ABCG2: variants seen among roughly 807,000 people sequenced by gnomAD.
The protein encoded by ABCG2 is broad substrate specificity ATP-binding cassette transporter ABCG2.
In ABCG2, 80 loss-of-function variants were observed where a neutral mutation model predicts 73.5. The ratio of observed to expected loss-of-function variants is 1.09; its 90% confidence interval spans 0.91 to 1.31. The LOEUF (loss-of-function observed/expected upper bound fraction) is 1.31. Among genes scored for constraint, ABCG2 ranks in the 50% most tolerant of loss-of-function variants. ABCG2 has a pLI of 0.00. For synonymous variants in ABCG2, 269 were observed against 282.4 expected (o/e 0.95, Z 0.48); for missense variants, 796 against 786.2 (o/e 1.01, Z -0.15).
chr4:88,192,600 A>G (rs1373359661), intron 1 of ABCG2, among the ~76,000 whole-genome samples: 1 of 150,966 alleles, frequency 6.6e-6, no homozygotes, highest in Non-Finnish European at 1.5e-5. Context: ...TTGTATTTTT[A>G]GAAGAGACGG....
chr4:88,195,957 T>G (rs191157291), intron 1 of ABCG2, among the ~76,000 whole-genome samples: 1 of 152,232 alleles, frequency 6.6e-6, no homozygotes, highest in Non-Finnish European at 1.5e-5. Context: ...ATTGAGCCCA[T>G]TCGCCCAGCT....
chr4:88,122,356 C>A (rs1020736091), intron 5 of ABCG2, among the ~76,000 whole-genome samples: 1 of 152,044 alleles, frequency 6.6e-6, no homozygotes, highest in African/African-American at 2.4e-5. Flanking sequence ...GCCAGGGAAC[C>A]AAGTGGTCTA....
At chr4:88,102,894 A>C (rs1392991378) in intron 10 of ABCG2, among the ~76,000 whole-genome samples, 1 of 152,190 alleles carries the variant, frequency 6.6e-6, no homozygotes, top group Non-Finnish European at 1.5e-5. Flanking sequence ...CTAAGGGAAC[A>C]GGCTAGGGTC....
chr4:88,207,096 C>T (rs1159753228), intron 1 of ABCG2, among the ~76,000 whole-genome samples: 8 of 152,144 alleles, frequency 5.3e-5, no homozygotes, highest in Non-Finnish European at 8.8e-5. Context: ...TGCCCAGTCT[C>T]AAAGCAGTGC....
intron 5 of ABCG2, among the ~76,000 whole-genome samples, chr4:88,126,408 T>C (rs1369451526): frequency 1.3e-5 from 2 of 152,218 alleles, no homozygotes; most frequent in Non-Finnish European, 2.9e-5. Flanking sequence ...AAAGAGGAAC[T>C]TCTCCCTAAC....
chr4:88,137,209 T>G (rs997261273), intron 2 of ABCG2, among the ~76,000 whole-genome samples: 5 of 152,110 alleles, frequency 3.3e-5, no homozygotes, highest in Admixed American at 3.3e-4. Flanking sequence ...CCTGACTCTA[T>G]ACTGGTGATA....
chr4:88,186,780 G>C (rs1399460847), intron 1 of ABCG2, among the ~76,000 whole-genome samples: 1 of 150,630 alleles, frequency 6.6e-6, no homozygotes, highest in African/African-American at 2.4e-5. Flanking sequence ...TTAGCCGGGC[G>C]TAGTGGCGGG....
intron 1 of ABCG2, among the ~76,000 whole-genome samples, chr4:88,200,229 G>A (rs1189133495): frequency 2.0e-5 from 3 of 152,050 alleles, no homozygotes; most frequent in African/African-American, 7.2e-5. Context: ...TTGGGGGGCT[G>A]AGATGGGAGG....
At chr4:88,129,927 G>T (rs1418647827) in intron 5 of ABCG2, among the ~76,000 whole-genome samples, 1 of 151,896 alleles carries the variant, frequency 6.6e-6, no homozygotes, top group Non-Finnish European at 1.5e-5. Context: ...GCCCACAATT[G>T]TATCTCTAGA....
chr4:88,179,816 G>A (rs1033762207), intron 1 of ABCG2, among the ~76,000 whole-genome samples: 1 of 152,152 alleles, frequency 6.6e-6, no homozygotes, highest in Non-Finnish European at 1.5e-5. Flanking sequence ...GATTTTAATA[G>A]CAGAATTGAT....
chr4:88,133,785 G>T (rs547816018), intron 2 of ABCG2, among the ~76,000 whole-genome samples: 2 of 152,164 alleles, frequency 1.3e-5, no homozygotes, highest in Admixed American at 1.3e-4. Flanking sequence ...ATCACTTGAG[G>T]TCAGGAGTTC....
At chr4:88,166,786 C>T (rs1226001845) in intron 1 of ABCG2, among the ~76,000 whole-genome samples, 1 of 152,040 alleles carries the variant, frequency 6.6e-6, no homozygotes, top group East Asian at 1.9e-4. Flanking sequence ...TGAAGTGATT[C>T]ATCATCATAG....
At chr4:88,121,068 C>G (rs955136957) in intron 6 of ABCG2, among the ~76,000 whole-genome samples, 2 of 152,176 alleles carry the variant, frequency 1.3e-5, no homozygotes, top group African/African-American at 2.4e-5. Context: ...TGTATGCTAG[C>G]AGTGTACACA....
At chr4:88,101,401 A>T (rs942832383) in intron 10 of ABCG2, 82 bp from the exon 11 acceptor site, 1 of 1,231,924 alleles carries the variant, frequency 8.1e-7, no homozygotes, top group Non-Finnish European at 1.2e-6. Flanking sequence ...CTCTTTCCAC[A>T]AATGACAGTG....
chr4:88,101,295 C>A lies in ABCG2; in HGVS notation c.1302G>T (p.Thr434=), dbSNP rs781367109. ...AAACACTGCTGAAACACTGGTTGGT[C>A]GTCAGGAAGAAGAGAACCCCAGCTC... The part of the protein sequence containing the change: ...QNRAGVLFFL[T]TNQCFSSVSA... The change falls in exon 11 of 16, where the codon ACG becomes ACT. Residue 434 remains threonine (T), a synonymous_variant. Transcript: ENST00000237612. 5.0e-6 allele frequency: 8 copies of A among 1,613,878 alleles called. No individual in the cohort carries two copies. Among genetic ancestry groups the A allele is most frequent in the Non-Finnish European group, 6.8e-6 (8 of 1,180,016 alleles).
chr4:88,167,510 C>G (rs1276068201), intron 1 of ABCG2, among the ~76,000 whole-genome samples: 1 of 151,550 alleles, frequency 6.6e-6, no homozygotes, highest in Non-Finnish European at 1.5e-5. Flanking sequence ...AGTAGCTGGA[C>G]TACAGGCATG....
chr4:88,193,321 A>AT (rs1453932829), intron 1 of ABCG2, among the ~76,000 whole-genome samples: 1 of 152,178 alleles, frequency 6.6e-6, no homozygotes, highest in South Asian at 2.1e-4. Flanking sequence ...CATGAGTGAG[A>AT]TTTTTTCTCA....
chr4:88,115,841 G>A (rs1010903127), intron 7 of ABCG2, among the ~76,000 whole-genome samples: 16 of 152,020 alleles, frequency 1.1e-4, no homozygotes, highest in African/African-American at 2.4e-4. Flanking sequence ...TGAGTTCACC[G>A]ACAGAATGCC....
At chr4:88,116,958 T>C (rs980896448) in intron 7 of ABCG2, among the ~76,000 whole-genome samples, 1 of 152,076 alleles carries the variant, frequency 6.6e-6, no homozygotes, top group African/African-American at 2.4e-5. Context: ...CCCATCTAAG[T>C]CAGGTTTAGG....
Sources: allele counts gnomAD v4.1 joint callset (sites outside exome capture counted in the v4.1 genomes callset), GRCh38; gene constraint gnomAD v4.1.1; transcripts MANE v1.5; gene names NCBI Gene and HGNC (gene_info 2026-07-23, HGNC 2026-07-21).